Variants in SCARB2 observed in about 807,000 individuals in gnomAD.
SCARB2 encodes lysosome membrane protein 2.
A neutral mutation model predicts 58.6 loss-of-function variants in SCARB2; 29 were observed. The ratio of observed to expected loss-of-function variants is 0.49; its 90% CI spans 0.37 to 0.67. SCARB2 has a LOEUF of 0.67. SCARB2 is among the 30% of genes least tolerant of loss of function. The pLI, the probability that SCARB2 is intolerant of heterozygous loss-of-function variation, is 0.00. For missense variants in SCARB2, 488 were observed against 578.5 expected (o/e 0.84, Z 1.60); for synonymous variants, 195 against 210.1 (o/e 0.93, Z 0.62).
At chr4:76,203,964 G>A (rs1578737983) in intron 1 of SCARB2, among the ~76,000 whole-genome samples, 1 of 152,216 alleles carries the variant, frequency 6.6e-6, no homozygotes. Context: ...TGTTCTTTAA[G>A]GTCAGTAAAG....
chr4:76,160,166 A>C lies in SCARB2; in HGVS notation c.*1547T>G, dbSNP rs1163713036. The C allele has an allele frequency of 6.6e-6, 1 of 152,200 alleles. No individual in the cohort carries two copies. Among genetic ancestry groups the C allele is most frequent in the Admixed American group, 6.5e-5 (1 of 15,284 alleles). 9.4% of individuals were successfully genotyped at this position (152,200 alleles called of 1,614,324 possible). On this transcript the variant is annotated 3_prime_UTR_variant, in exon 12 of 12. Transcript: ENST00000264896. ...TAGAAAAAGGAAAAATTGTCAGTAA[A>C]ACAATTTATTACCTCAATACAGGGA...
chr4:76,229,647 C>T (rs1342302343), intron 1 of SCARB2, among the ~76,000 whole-genome samples: 2 of 152,188 alleles, frequency 1.3e-5, no homozygotes, highest in African/African-American at 2.4e-5. Context: ...TACCAGGCTC[C>T]AGGCTGGTGC....
At chr4:76,177,909 T>C (rs1306005468) in intron 4 of SCARB2, among the ~76,000 whole-genome samples, 1 of 152,208 alleles carries the variant, frequency 6.6e-6, no homozygotes, top group Non-Finnish European at 1.5e-5. Flanking sequence ...TAAGAGAGTA[T>C]GCAGTTTCTT....
At position 76,160,681 on chromosome 4, in the gene SCARB2, AGGC is replaced by A. The variant is rs200704034; in HGVS notation, c.*1029_*1031del. ...AAAAAGAACTTCAAAATTACCAAGA[AGGC>A]GGCTGTCCCAGAAGAAATATCTCTT... On this transcript the variant is annotated 3_prime_UTR_variant, in exon 12 of 12. Coordinates refer to ENST00000264896, the MANE Select transcript of SCARB2 (RefSeq NM_005506.4). 6 of 151,832 alleles carry A rather than the reference AGGC, an allele frequency of 4.0e-5. No homozygotes were observed. Among genetic ancestry groups the A allele is most frequent in the Admixed American group, 1.3e-4 (2 of 15,210 alleles). The allele number at this position is 151,832 out of a possible 1,614,324, so 9.4% of individuals were successfully genotyped here. A position where few individuals can be genotyped will look rare whatever the true frequency, so the allele number is the denominator to read the frequency against.
At chr4:76,214,439 TGGG>T (rs1733160327), upstream of SCARB2, 1 of 395,680 alleles carries the variant, frequency 2.5e-6, no homozygotes, top group Non-Finnish European at 5.1e-6. Context: ...GCAAAGGCAT[TGGG>T]GGTGAAAGAG....
In SCARB2 at chr4:76,199,151, C is replaced by T. The variant is rs1480608005; in HGVS notation, c.118-3287G>A. On this transcript the variant is annotated intron_variant, in intron 1 of 11. Transcript: ENST00000264896. The stretch of plus-strand genomic sequence containing the variant: ...CTACAAAATAAAAATCCCCATTTTG[C>T]AGACAAAGAAATGGTGGCACTGGCT... 2.6e-5 allele frequency among the ~76,000 whole-genome samples: 4 copies of T among 152,098 alleles called. No individual in the cohort carries two copies. In the East Asian group the frequency reaches 7.7e-4, roughly 29 times the overall value.
chr4:76,173,280 C>T (rs1425473550), intron 7 of SCARB2: 1 of 151,776 alleles, frequency 6.6e-6, no homozygotes, highest in East Asian at 1.9e-4. Context: ...AGAATCTTTG[C>T]CATGATACGT....
chr4:76,211,066 T>C (rs1052273404), intron 1 of SCARB2, among the ~76,000 whole-genome samples: 8 of 152,226 alleles, frequency 5.3e-5, no homozygotes, highest in Non-Finnish European at 8.8e-5. Flanking sequence ...ATTGATTACC[T>C]ATTCTGTGCC....
intron 7 of SCARB2, among the ~76,000 whole-genome samples, chr4:76,170,222 C>A (rs919757661): frequency 4.6e-5 from 7 of 152,082 alleles, no homozygotes; most frequent in African/African-American, 1.7e-4. Flanking sequence ...GAAGTTCAGG[C>A]TAAATTATTT....
At chr4:76,212,275 GAC>G (rs1318820400) in intron 1 of SCARB2, among the ~76,000 whole-genome samples, 1 of 152,156 alleles carries the variant, frequency 6.6e-6, no homozygotes, top group Non-Finnish European at 1.5e-5. Context: ...GAGACGCTCA[GAC>G]AGTGGGCCTT....
chr4:76,176,212 T>C, intron 5 of SCARB2: 1 of 603,424 alleles, frequency 1.7e-6, no homozygotes, highest in Non-Finnish European at 2.9e-6. Context: ...TTCACTGGCC[T>C]GTAATTCATG....
intron 1 of SCARB2, among the ~76,000 whole-genome samples, chr4:76,225,598 C>G (rs56275416): frequency 0.64 from 98,092 of 152,100 alleles, 33,661 homozygotes; most frequent in Non-Finnish European, 0.78. Context: ...AATCATAAAG[C>G]GATGCTGGAT....
intron 1 of SCARB2, among the ~76,000 whole-genome samples, chr4:76,199,585 G>C (rs1297796769): frequency 6.6e-6 from 1 of 152,182 alleles, no homozygotes; most frequent in African/African-American, 2.4e-5. Context: ...AATGTTATTT[G>C]TTATCTGAAA....
At chr4:76,229,464 G>C (rs899099548) in intron 1 of SCARB2, among the ~76,000 whole-genome samples, 1 of 152,082 alleles carries the variant, frequency 6.6e-6, no homozygotes, top group African/African-American at 2.4e-5. Context: ...TTCTCATTTG[G>C]GTAGACTGTT....
In SCARB2 at chr4:76,174,219, C is replaced by T. The variant is rs142392473; in HGVS notation, c.919G>A (p.Asp307Asn). Residue 307 changes from aspartate to asparagine, a missense_variant, in exon 7 of 12, where the codon GAC (aspartate) becomes AAC (asparagine). Coordinates refer to ENST00000264896, the MANE Select transcript of SCARB2 (RefSeq NM_005506.4). ...VPAEILANTS[D>N]NAGFCIPEGN... is the part of the protein sequence containing the mutation. The stretch of plus-strand genomic sequence containing the variant: ...TCAGGTATACAGAAGCCGGCATTGT[C>T]TGACGTATTGGCTAATATTTCTGCA... 3.3e-4 allele frequency: 532 copies of T among 1,614,092 alleles called. 1 individual carries two copies. The highest frequency in any genetic ancestry group is 4.4e-4 in the Non-Finnish European group (516 of 1,180,052).
At chr4:76,227,784 C>T (rs1274424489) in intron 1 of SCARB2, among the ~76,000 whole-genome samples, 1 of 152,108 alleles carries the variant, frequency 6.6e-6, no homozygotes, top group Non-Finnish European at 1.5e-5. Context: ...TAATGTGCCA[C>T]CTCTTTGTCT....
At chr4:76,167,092 A>G (rs1011650148) in intron 9 of SCARB2, among the ~76,000 whole-genome samples, 2 of 152,212 alleles carry the variant, frequency 1.3e-5, no homozygotes, top group African/African-American at 4.8e-5. Context: ...ATTCCCATTG[A>G]AAAGTCTGAG....
At chr4:76,210,830 T>C (rs2109971570) in intron 1 of SCARB2, among the ~76,000 whole-genome samples, 2 of 152,352 alleles carry the variant, frequency 1.3e-5, no homozygotes, top group Middle Eastern at 6.8e-3. Context: ...AGACAACTTT[T>C]TGGATAGGAA....
chr4:76,220,098 TCA>T (rs1252033656), intron 1 of SCARB2, among the ~76,000 whole-genome samples: 1 of 152,178 alleles, frequency 6.6e-6, no homozygotes, highest in Non-Finnish European at 1.5e-5. Context: ...GAGATGCAAA[TCA>T]CAGTTCTTTA....
Sources: gnomAD v4.1 joint callset for allele counts (sites outside exome capture counted in the v4.1 genomes callset) on GRCh38, gnomAD v4.1.1 for gene constraint, MANE v1.5 for transcripts, NCBI Gene and HGNC (gene_info 2026-07-23, HGNC 2026-07-21) for gene names.